The following SEL1L variants were observed in gnomAD, a reference collection of about 807,000 sequenced individuals.
SEL1L encodes the protein SEL1L adaptor subunit of SYVN1 ubiquitin ligase.
In SEL1L, 52 loss-of-function variants were observed where a neutral mutation model predicts 109.8. The observed-to-expected ratio is 0.47, with a 90% CI of 0.38 to 0.60. SEL1L has a LOEUF of 0.60. Among genes scored for constraint, SEL1L ranks in the 20% least tolerant of loss-of-function variants. SEL1L has a pLI of 0.00. For missense variants in SEL1L, 749 were observed against 962.2 expected, an observed-to-expected ratio of 0.78 and a Z score of 2.93; for synonymous variants, 373 against 339.6, an observed-to-expected ratio of 1.10 and a Z score of -1.08.
At chr14:81,500,256 C>T (rs1883949828) in intron 6 of SEL1L, among the ~76,000 whole-genome samples, 1 of 151,992 alleles carries the variant, frequency 6.6e-6, no homozygotes. Context: ...TTTTCCGAGA[C>T]AGAGTCTTGC....
At chr14:81,479,535 C>T in intron 20 of SEL1L, 77 bp downstream of exon 20, 2 of 1,466,340 alleles carry the variant, frequency 1.4e-6, no homozygotes, top group South Asian at 1.3e-5. Flanking sequence ...CTGTGCTTCT[C>T]AACTTTTGAA....
intron 6 of SEL1L, among the ~76,000 whole-genome samples, chr14:81,500,901 C>T (rs1292493489): frequency 6.6e-6 from 1 of 152,138 alleles, no homozygotes; most frequent in East Asian, 1.9e-4. Context: ...CTTTTCAACC[C>T]TTTGCCTTCT....
Position 81,533,657 on chromosome 14 carries a change from G to A in SEL1L, c.70+18C>T. 1 of 1,610,626 alleles carries A rather than the reference G, an allele frequency of 6.2e-7. No individual in the cohort carries two copies. The highest frequency in any genetic ancestry group is 8.5e-7 in the Non-Finnish European group (1 of 1,179,078). ...GGCGGAGGCTCTGGGCCTTCAGCCC[G>A]AGGGGGCGGATACTGACCCGAGGAC... On this transcript the variant is annotated intron_variant, in intron 1 of 20. Coordinates refer to ENST00000336735, the MANE Select transcript of SEL1L (RefSeq NM_005065.6).
chr14:81,494,250 C>G (rs924575312), intron 11 of SEL1L, among the ~76,000 whole-genome samples: 1 of 152,104 alleles, frequency 6.6e-6, no homozygotes, highest in Non-Finnish European at 1.5e-5. Flanking sequence ...CACTTATATC[C>G]CATCCATCCC....
chr14:81,533,246 G>C lies in SEL1L; in HGVS notation c.70+429C>G, dbSNP rs547103243. ...AAACTACTGTCAACATCCTGGTCTGGATGGATCCTCCTCTGCCCCAAAGTG... is the reference window on the plus strand; with the variant it reads ...AAACTACTGTCAACATCCTGGTCTGCATGGATCCTCCTCTGCCCCAAAGTG... On this transcript the variant is annotated intron_variant, in intron 1 of 20. Transcript: ENST00000336735. Among the ~76,000 whole-genome samples, 93 of 152,280 alleles carry C rather than the reference G, an allele frequency of 6.1e-4. No homozygotes were observed. The South Asian group carries it at 7.5e-3, about 12-fold the overall frequency.
At chr14:81,520,152 G>C (rs780251439) in intron 3 of SEL1L, among the ~76,000 whole-genome samples, 9 of 152,110 alleles carry the variant, frequency 5.9e-5, no homozygotes, top group Non-Finnish European at 1.3e-4. Flanking sequence ...TGTACACAGA[G>C]CCATATATAT....
chr14:81,498,563 TA>T, intron 8 of SEL1L, 69 bp from the exon 9 acceptor site: 1 of 1,215,216 alleles, frequency 8.2e-7, no homozygotes, highest in Non-Finnish European at 1.2e-6. Context: ...GTGGAACAAA[TA>T]AAGCTAAGCA....
At chr14:81,492,670 A>C (rs1245920293) in intron 11 of SEL1L, 122 bp from the exon 12 acceptor site, 7 of 625,514 alleles carry the variant, frequency 1.1e-5, no homozygotes, top group Non-Finnish European at 1.9e-5. Context: ...CTTTAAAAAC[A>C]AGAATACCCA....
chr14:81,526,729 C>T lies in SEL1L; in HGVS notation c.340+4G>A, dbSNP rs112850101. The T allele has an allele frequency of 2.1e-3, 3,327 of 1,609,832 alleles. 50 individuals are homozygous for T. The African/African-American group carries it at 0.036, about 17-fold the overall frequency. ...TCAAAAAGCAAGGAAAATGTCCAGA[C>T]TACCTGGTTTCCGTACTTTCTTTGG... On this transcript the variant is annotated splice_donor_region_variant and intron_variant, in intron 3 of 20. Transcript: ENST00000336735.
At chr14:81,499,370 G>A in intron 8 of SEL1L, 89 bp downstream of exon 8, 1 of 1,548,134 alleles carries the variant, frequency 6.5e-7, no homozygotes. Context: ...AGCAAATCTG[G>A]ATCATGAAAG....
chr14:81,471,833 CGTAA>C lies in SEL1L; in HGVS notation c.*5135_*5138del, dbSNP rs1334487434. On this transcript the variant is annotated 3_prime_UTR_variant, in exon 21 of 21. Transcript: ENST00000336735. ...GTTCAATTTGATGGCGAAGTAGTGA[CGTAA>C]GTGACATGAGAAGGAACGTACAAAG... 1 of 152,106 alleles carries C rather than the reference CGTAA, an allele frequency of 6.6e-6. No individual in the cohort carries two copies. 9.4% of individuals were successfully genotyped at this position (152,106 alleles called of 1,614,324 possible).
chr14:81,506,336 A>T, intron 3 of SEL1L, 95 bp from the exon 4 acceptor site: 1 of 1,065,168 alleles, frequency 9.4e-7, no homozygotes, highest in Non-Finnish European at 1.3e-6. Flanking sequence ...AATTTGAAGC[A>T]AAGATTCATG....
At position 81,498,036 on chromosome 14, in the gene SEL1L, A is replaced by G. The variant is rs765811141; in HGVS notation, c.984T>C (p.Asp328=). The change falls in exon 10 of 21, where the codon GAT becomes GAC. Residue 328 remains aspartate, a synonymous_variant. Coordinates refer to ENST00000336735, the MANE Select transcript of SEL1L (RefSeq NM_005065.6). ...CTACTGAGCCTCCTGTTAGCGAGAT[A>G]TCACTAGCAACTGAAATAGAGGGAT... The part of the protein sequence containing the change: ...YRLVANHVAS[D]ISLTGGSVVQ... 1 of 1,612,576 alleles carries G rather than the reference A, an allele frequency of 6.2e-7. No homozygotes were observed. Among genetic ancestry groups the G allele is most frequent in the Admixed American group, 1.7e-5 (1 of 59,588 alleles).
At chr14:81,531,156 A>G (rs1280968443) in intron 1 of SEL1L, among the ~76,000 whole-genome samples, 1 of 152,218 alleles carries the variant, frequency 6.6e-6, no homozygotes, top group Non-Finnish European at 1.5e-5. Flanking sequence ...GTGTGCTACC[A>G]TGTTCCAATG....
chr14:81,527,783 A>C (rs773213315), intron 1 of SEL1L, 45 bp from the exon 2 acceptor site: 7 of 1,333,940 alleles, frequency 5.2e-6, no homozygotes, highest in Non-Finnish European at 7.4e-6. Context: ...TCTTGTTGGG[A>C]AATTAGTTAT....
chr14:81,523,019 T>C (rs1056098812), intron 3 of SEL1L, among the ~76,000 whole-genome samples: 2 of 152,156 alleles, frequency 1.3e-5, no homozygotes, highest in Non-Finnish European at 2.9e-5. Context: ...ATAATGATGC[T>C]TGTGATATTG....
intron 6 of SEL1L, among the ~76,000 whole-genome samples, chr14:81,501,172 C>CAGG (rs1447966200): frequency 6.6e-6 from 1 of 152,164 alleles, no homozygotes; most frequent in Non-Finnish European, 1.5e-5. Context: ...AGCCCATGAC[C>CAGG]AGGAGTCACT....
rs1490459137 is a variant in SEL1L at position 81,471,699 on chromosome 14, C to A, written c.*5273G>T. Reference sequence around the variant, plus strand: ...CATTGTTATGTTTAAAAGAAATTAACCCAGATAAAAAGAATTTGGCCTCTA... The same window carrying A: ...CATTGTTATGTTTAAAAGAAATTAAACCAGATAAAAAGAATTTGGCCTCTA... On this transcript the variant is annotated 3_prime_UTR_variant, in exon 21 of 21. Coordinates refer to ENST00000336735, the MANE Select transcript of SEL1L (RefSeq NM_005065.6). 2 of 152,088 alleles carry A rather than the reference C, an allele frequency of 1.3e-5. No homozygotes were observed. Among genetic ancestry groups the A allele is most frequent in the East Asian group, 1.9e-4 (1 of 5,200 alleles). 9.4% of individuals were successfully genotyped at this position (152,088 alleles called of 1,614,324 possible).
intron 15 of SEL1L, 122 bp downstream of exon 15, chr14:81,487,733 C>A: frequency 6.6e-7 from 1 of 1,521,206 alleles, no homozygotes; most frequent in Non-Finnish European, 8.8e-7. Context: ...AATCATTGAA[C>A]TGGGAGAACA....
Sources: allele counts gnomAD v4.1 joint callset (sites outside exome capture counted in the v4.1 genomes callset), GRCh38; gene constraint gnomAD v4.1.1; transcripts MANE v1.5; gene names NCBI Gene and HGNC (gene_info 2026-07-23, HGNC 2026-07-21).